ASAP3: variants seen among roughly 807,000 people sequenced by gnomAD.
ASAP3 encodes the protein arf-GAP with SH3 domain, ANK repeat and PH domain-containing protein 3.
A neutral mutation model predicts 118.2 loss-of-function variants in ASAP3; 85 were observed. That is an observed-to-expected ratio of 0.72 (90% CI 0.60 to 0.86). The LOEUF (loss-of-function observed/expected upper bound fraction) is 0.86, where lower values mean the gene tolerates loss of function less well. ASAP3 is among the 40% of genes least tolerant of loss of function. The probability of loss-of-function intolerance (pLI) is 0.00; values close to 1 mark genes in which losing one functional copy is unlikely to be tolerated. For synonymous variants in ASAP3, 432 were observed against 477.4 expected (o/e 0.90, Z 1.24); for missense variants, 1,026 against 1,175.0 (o/e 0.87, Z 1.85).
intron 1 of ASAP3, among the ~76,000 whole-genome samples, chr1:23,464,483 G>C (rs1173386424): frequency 6.6e-6 from 1 of 151,332 alleles, no homozygotes; most frequent in East Asian, 1.9e-4. Context: ...CACTGCACCC[G>C]ACCATTACAA....
intron 1 of ASAP3, among the ~76,000 whole-genome samples, chr1:23,461,091 T>C (rs1259549288): frequency 6.6e-6 from 1 of 152,206 alleles, no homozygotes; most frequent in African/African-American, 2.4e-5. Flanking sequence ...AGAGGGTTTT[T>C]AGGGCAGGGA....
Position 23,433,252 on chromosome 1 carries a change from C to T in ASAP3, c.2148G>A (p.Pro716=), listed in dbSNP as rs199509341. 5.2e-5 allele frequency: 83 copies of T among 1,608,520 alleles called. No individual in the cohort carries two copies. The highest frequency in any genetic ancestry group is 8.9e-5 in the East Asian group (4 of 44,802). The change falls in exon 22 of 25, where the codon CCG becomes CCA. Residue 716 remains proline (P), a synonymous_variant. Coordinates refer to ENST00000336689, the MANE Select transcript of ASAP3 (RefSeq NM_017707.4). The part of the protein sequence containing the change: ...EEEKRCLLKL[P]AQAHWASGRL... Reference sequence around the variant, plus strand: ...TCCCACTGGCCCAGTGAGCCTGGGCCGGGAGCTTCAGCAAGCAGCGCTGCC... The same window carrying T: ...TCCCACTGGCCCAGTGAGCCTGGGCTGGGAGCTTCAGCAAGCAGCGCTGCC...
At chr1:23,451,671 A>G (rs1428326714) in intron 4 of ASAP3, 143 bp from the exon 5 acceptor site, 26 of 876,472 alleles carry the variant, frequency 3.0e-5, no homozygotes, top group Non-Finnish European at 4.2e-5. Flanking sequence ...CTGCCCCCAC[A>G]GTCCTGCTGC....
intron 1 of ASAP3, among the ~76,000 whole-genome samples, chr1:23,457,412 G>A (rs1283323721): frequency 6.6e-6 from 1 of 152,240 alleles, no homozygotes; most frequent in African/African-American, 2.4e-5. Flanking sequence ...CAGAGGCAAT[G>A]TGGAGTGTTC....
chr1:23,455,376 C>T (rs940438286), intron 3 of ASAP3, among the ~76,000 whole-genome samples: 22 of 152,154 alleles, frequency 1.4e-4, no homozygotes, highest in African/African-American at 4.8e-4. Flanking sequence ...GGAAGCAACC[C>T]GAGGCCACTG....
At chr1:23,479,598 TAAG>T (rs1642243427) in intron 1 of ASAP3, among the ~76,000 whole-genome samples, 1 of 152,170 alleles carries the variant, frequency 6.6e-6, no homozygotes. Flanking sequence ...TATTAAAAAT[TAAG>T]AAGGAAATCC....
At chr1:23,442,141 G>A (rs1316223417) in intron 7 of ASAP3, 45 bp downstream of exon 7, 4 of 1,551,482 alleles carry the variant, frequency 2.6e-6, no homozygotes, top group Admixed American at 3.9e-5. Flanking sequence ...GCCTTGTTCT[G>A]TGACACTGGA....
chr1:23,432,467 C>T (rs1640473826), intron 22 of ASAP3, among the ~76,000 whole-genome samples: 2 of 152,198 alleles, frequency 1.3e-5, no homozygotes. Context: ...TCCTGCTCAT[C>T]CCTCAGGTTC....
intron 17 of ASAP3, 28 bp from the exon 18 acceptor site, chr1:23,434,646 T>A: frequency 6.2e-7 from 1 of 1,601,928 alleles, no homozygotes; most frequent in East Asian, 2.2e-5. Context: ...CCTCTGAGAT[T>A]CCCCCCCCAG....
In ASAP3 at chr1:23,459,886, TCCTTC is replaced by T. The variant is rs1641514110; in HGVS notation, c.130-3697_130-3693del. The stretch of plus-strand genomic sequence containing the variant: ...GCTCCCAGTGTCCATTCTCTCTTCT[TCCTTC>T]ACAAGAAACCTGACTTTTCAGATGG... On this transcript the variant is annotated intron_variant, in intron 1 of 24. Coordinates refer to ENST00000336689, the MANE Select transcript of ASAP3 (RefSeq NM_017707.4). 4.6e-5 allele frequency among the ~76,000 whole-genome samples: 7 copies of T among 152,282 alleles called. No individual in the cohort carries two copies. In the South Asian group the frequency reaches 1.5e-3, roughly 32 times the overall value.
chr1:23,432,392 C>T (rs1020252427), intron 22 of ASAP3, among the ~76,000 whole-genome samples: 6 of 152,296 alleles, frequency 3.9e-5, no homozygotes, highest in Non-Finnish European at 8.8e-5. Context: ...CCTTTGTTCG[C>T]GGTGGCCAGG....
chr1:23,440,881 A>T (rs1412725126), intron 10 of ASAP3, among the ~76,000 whole-genome samples: 1 of 149,618 alleles, frequency 6.7e-6, no homozygotes, highest in Non-Finnish European at 1.5e-5. Context: ...AAAAAGTGTT[A>T]GCTACTGCTA....
At chr1:23,475,585 G>A (rs1345602774) in intron 1 of ASAP3, among the ~76,000 whole-genome samples, 1 of 152,160 alleles carries the variant, frequency 6.6e-6, no homozygotes. Flanking sequence ...TCTCAAATGT[G>A]TATCTCCAGC....
chr1:23,434,716 A>G, intron 17 of ASAP3, 98 bp from the exon 18 acceptor site: 1 of 1,165,402 alleles, frequency 8.6e-7, no homozygotes, highest in Non-Finnish European at 1.2e-6. Flanking sequence ...TTATCCCCCC[A>G]TAGGAAGCTG....
chr1:23,430,554 G>T (rs964168566), intron 24 of ASAP3, among the ~76,000 whole-genome samples: 3 of 152,206 alleles, frequency 2.0e-5, no homozygotes, highest in Admixed American at 1.3e-4. Flanking sequence ...CAAGGGGAGA[G>T]TTAGGCAAAC....
At chr1:23,434,431 A>G in intron 18 of ASAP3, 62 bp from the exon 19 acceptor site, 9 of 1,603,594 alleles carry the variant, frequency 5.6e-6, no homozygotes, top group Non-Finnish European at 6.8e-6. Flanking sequence ...GATCAAAGTC[A>G]GGGGAAAAAG....
In ASAP3 at chr1:23,434,363, G is replaced by A. The variant is rs1640556849; in HGVS notation, c.1842C>T (p.His614=). The A allele has an allele frequency of 6.2e-7, 1 of 1,614,158 alleles. No individual in the cohort carries two copies. The highest frequency in any genetic ancestry group is 2.2e-5 in the East Asian group (1 of 44,880). ...TCCCGTCAGCAGCCTTGGCATCCAG[G>A]TGACCACTGGGGAGAGGAGGGTTCA... ...LVDFIIQNGG[H]LDAKAADGNT... The change falls in exon 19 of 25, where the codon CAC becomes CAT. Residue 614 remains histidine, a synonymous_variant. Coordinates refer to ENST00000336689, the MANE Select transcript of ASAP3 (RefSeq NM_017707.4).
chr1:23,438,595 A>G lies in ASAP3; in HGVS notation c.1102+152T>C, dbSNP rs1236318656. 3.2e-6 allele frequency: 2 copies of G among 630,500 alleles called. No individual in the cohort carries two copies. The highest frequency in any genetic ancestry group is 5.6e-6 in the Non-Finnish European group (2 of 360,008). 39.1% of individuals were successfully genotyped at this position (630,500 alleles called of 1,614,324 possible). ...ATTTAATGTGATGTGGGTATCCTAGACCTAAGGATTCTTATGTCTGCAGTA... is the reference window on the plus strand; with the variant it reads ...ATTTAATGTGATGTGGGTATCCTAGGCCTAAGGATTCTTATGTCTGCAGTA... On this transcript the variant is annotated intron_variant, in intron 12 of 24. Coordinates refer to ENST00000336689, the MANE Select transcript of ASAP3 (RefSeq NM_017707.4). The surrounding 1 kb of genome is among the most constrained non-coding windows in gnomAD (Gnocchi z 4.9).
chr1:23,458,070 C>T (rs1641446150), intron 1 of ASAP3, among the ~76,000 whole-genome samples: 1 of 152,200 alleles, frequency 6.6e-6, no homozygotes, highest in Non-Finnish European at 1.5e-5. Flanking sequence ...CATTCTCCTC[C>T]TCGGGTGTGA....
Sources: allele counts gnomAD v4.1 joint callset (sites outside exome capture counted in the v4.1 genomes callset), GRCh38; gene constraint gnomAD v4.1.1; non-coding constraint Gnocchi (gnomAD v3.1); transcripts MANE v1.5; gene names NCBI Gene and HGNC (gene_info 2026-07-23, HGNC 2026-07-21).